Variants in SSH2 observed in about 807,000 individuals in gnomAD.
SSH2 encodes protein phosphatase Slingshot homolog 2.
Under a neutral mutation model 135.2 loss-of-function variants are expected in SSH2, and 37 were observed. That is an observed-to-expected ratio of 0.27 (90% CI 0.21 to 0.36). The LOEUF is 0.36. Among genes scored for constraint, SSH2 ranks in the 10% least tolerant of loss-of-function variants. The probability of loss-of-function intolerance (pLI) is 1.00; values close to 1 mark genes in which losing one functional copy is unlikely to be tolerated. For synonymous variants in SSH2, 628 were observed against 646.2 expected (o/e 0.97, Z 0.43); for missense variants, 1,408 against 1,765.3 (o/e 0.80, Z 3.63).
At chr17:29,862,047 G>A (rs1043957621) in intron 1 of SSH2, among the ~76,000 whole-genome samples, 1 of 152,160 alleles carries the variant, frequency 6.6e-6, no homozygotes, top group Non-Finnish European at 1.5e-5. Context: ...AGCTTTTTCT[G>A]GAGAGGTGAT....
chr17:29,821,210 C>T (rs2042645103), intron 2 of SSH2, among the ~76,000 whole-genome samples: 1 of 152,160 alleles, frequency 6.6e-6, no homozygotes, highest in African/African-American at 2.4e-5. Flanking sequence ...TCGCCTTTAT[C>T]TTCTTCCTTG....
At chr17:29,777,121 A>G (rs923863360) in intron 3 of SSH2, among the ~76,000 whole-genome samples, 2 of 152,040 alleles carry the variant, frequency 1.3e-5, no homozygotes, top group Non-Finnish European at 2.9e-5. Flanking sequence ...CTGAGGCAGG[A>G]GAATTGCTTG....
chr17:29,913,011 C>T (rs911774551), intron 1 of SSH2, among the ~76,000 whole-genome samples: 2 of 151,484 alleles, frequency 1.3e-5, no homozygotes, highest in Non-Finnish European at 2.9e-5. Flanking sequence ...GCCACCTGAA[C>T]ACCTAGCATT....
At chr17:29,659,843 A>T (rs987827432) in intron 11 of SSH2, among the ~76,000 whole-genome samples, 1 of 137,326 alleles carries the variant, frequency 7.3e-6, no homozygotes, top group African/African-American at 2.8e-5. Flanking sequence ...TTTTATATAT[A>T]TTTTTTGAGA....
At chr17:29,776,533 T>C (rs1486187856) in intron 3 of SSH2, 1 of 152,232 alleles carries the variant, frequency 6.6e-6, no homozygotes, top group Non-Finnish European at 1.5e-5. Context: ...TTATTTTCAT[T>C]CAAGAATCAT....
At position 29,629,657 on chromosome 17, in the gene SSH2, T is replaced by C. The variant is rs1202448441; in HGVS notation, c.*1184A>G. 6.6e-6 allele frequency: 1 copy of C among 152,612 alleles called. No homozygotes were observed. Among genetic ancestry groups the C allele is most frequent in the African/African-American group, 2.4e-5 (1 of 41,438 alleles). The allele number at this position is 152,612 out of a possible 1,614,324, so 9.5% of individuals were successfully genotyped here. Reference sequence around the variant, plus strand: ...ACACTAAGACAGTGACAATATTATGTACATAAATACTGTGTACAAACTTTA... The same window carrying C: ...ACACTAAGACAGTGACAATATTATGCACATAAATACTGTGTACAAACTTTA... On this transcript the variant is annotated 3_prime_UTR_variant, in exon 16 of 16. Transcript: ENST00000540801.
chr17:29,823,918 C>T, intron 2 of SSH2, among the ~76,000 whole-genome samples: 1 of 150,186 alleles, frequency 6.7e-6, no homozygotes, highest in Non-Finnish European at 1.5e-5. Flanking sequence ...CTGGGCCTTG[C>T]TGCCCACTCA....
At chr17:29,657,470 T>C (rs2036830707) in intron 11 of SSH2, among the ~76,000 whole-genome samples, 1 of 149,950 alleles carries the variant, frequency 6.7e-6, no homozygotes, top group Admixed American at 6.7e-5. Flanking sequence ...GATTTCACCA[T>C]GTTGGTCAGG....
intron 3 of SSH2, among the ~76,000 whole-genome samples, chr17:29,741,611 CTT>C (rs6146027): frequency 0.052 from 7,285 of 140,208 alleles, 321 homozygotes; most frequent in African/African-American, 0.14. Flanking sequence ...AATCCCCCTC[CTT>C]TTTTTTTTTT....
intron 2 of SSH2, among the ~76,000 whole-genome samples, 186 bp downstream of exon 2, chr17:29,848,663 A>C (rs2065489573): frequency 6.6e-6 from 1 of 152,188 alleles, no homozygotes; most frequent in African/African-American, 2.4e-5. Flanking sequence ...TATGCATATA[A>C]ATGTACCATA....
At chr17:29,875,542 C>A (rs1026360205) in intron 1 of SSH2, among the ~76,000 whole-genome samples, 3 of 152,150 alleles carry the variant, frequency 2.0e-5, no homozygotes, top group African/African-American at 7.2e-5. Flanking sequence ...CATGGTCACT[C>A]CCATGTTGAA....
At chr17:29,873,170 G>T (rs1299344485) in intron 1 of SSH2, among the ~76,000 whole-genome samples, 3 of 152,050 alleles carry the variant, frequency 2.0e-5, no homozygotes, top group Admixed American at 6.6e-5. Flanking sequence ...GTTACTTACG[G>T]GTTACCTAAA....
chr17:29,711,548 T>A (rs1293010763), intron 3 of SSH2, among the ~76,000 whole-genome samples: 1 of 152,224 alleles, frequency 6.6e-6, no homozygotes, highest in African/African-American at 2.4e-5. Flanking sequence ...CTTTTACAGA[T>A]GGGGCACATC....
intron 1 of SSH2, among the ~76,000 whole-genome samples, chr17:29,872,751 C>T (rs1050357173): frequency 6.6e-6 from 1 of 152,138 alleles, no homozygotes; most frequent in Non-Finnish European, 1.5e-5. Context: ...AATTCCAGCA[C>T]TTTGGGAGGC....
intron 6 of SSH2, among the ~76,000 whole-genome samples, 159 bp from the exon 7 acceptor site, chr17:29,677,900 T>G (rs1439864998): frequency 6.6e-6 from 1 of 152,210 alleles, no homozygotes; most frequent in Non-Finnish European, 1.5e-5. Context: ...ATTAATCTTA[T>G]GTATGTCCTC....
At chr17:29,801,165 C>T (rs1277146752) in intron 2 of SSH2, among the ~76,000 whole-genome samples, 1 of 151,972 alleles carries the variant, frequency 6.6e-6, no homozygotes. Flanking sequence ...ATGCCTGGCT[C>T]CATTAAGTAT....
chr17:29,700,600 A>G (rs1297093521), intron 4 of SSH2, among the ~76,000 whole-genome samples: 1 of 152,228 alleles, frequency 6.6e-6, no homozygotes, highest in African/African-American at 2.4e-5. Flanking sequence ...TTTTTAGTGT[A>G]TACATTCAAG....
At chr17:29,833,594 G>T (rs1216464464) in intron 2 of SSH2, among the ~76,000 whole-genome samples, 1 of 151,926 alleles carries the variant, frequency 6.6e-6, no homozygotes, top group Non-Finnish European at 1.5e-5. Context: ...TGTTAATATT[G>T]ATAAGTAAGG....
chr17:29,879,597 T>C (rs2066100348), intron 1 of SSH2, among the ~76,000 whole-genome samples: 1 of 152,164 alleles, frequency 6.6e-6, no homozygotes, highest in Non-Finnish European at 1.5e-5. Flanking sequence ...TACTAGGTGT[T>C]TTTGTGAACA....
Sources: allele counts gnomAD v4.1 joint callset (sites outside exome capture counted in the v4.1 genomes callset), GRCh38; gene constraint gnomAD v4.1.1; transcripts MANE v1.5; gene names NCBI Gene and HGNC (gene_info 2026-07-23, HGNC 2026-07-21).